Variants in MAF observed in about 807,000 individuals in gnomAD.
The protein encoded by MAF is transcription factor Maf.
MAF carries 10 observed loss-of-function variants against 22.0 expected under a neutral mutation model. That is an observed-to-expected ratio of 0.45 (90% CI 0.28 to 0.77). The LOEUF (loss-of-function observed/expected upper bound fraction) is 0.77. Ranked by LOEUF, MAF falls within the 30% of genes least tolerant of loss-of-function variation. The probability of loss-of-function intolerance (pLI) is 0.12; values close to 1 mark genes in which losing one functional copy is unlikely to be tolerated. For missense variants in MAF, 544 were observed against 548.4 expected (o/e 0.99, Z 0.08); for synonymous variants, 337 against 255.8 (o/e 1.32, Z -3.03).
chr16:79,329,526 C>G, the MAF span, among the ~76,000 whole-genome samples: 2 of 152,138 alleles, frequency 1.3e-5, no homozygotes, highest in East Asian at 1.9e-4. Context: ...AAATCTCCGT[C>G]TAGAGTCCCC....
the MAF span, among the ~76,000 whole-genome samples, chr16:79,537,031 G>A: frequency 6.6e-6 from 1 of 152,176 alleles, no homozygotes; most frequent in Non-Finnish European, 1.5e-5. Flanking sequence ...TCTGTACAGT[G>A]TGTTTGTGTG....
At chr16:79,392,339 GAGAA>G in the MAF span, among the ~76,000 whole-genome samples, 1 of 149,390 alleles carries the variant, frequency 6.7e-6, no homozygotes, top group Non-Finnish European at 1.5e-5. Flanking sequence ...GGAGAGGAGA[GAGAA>G]GGAAGGAGGG....
At chr16:79,447,805 A>G in the MAF span, among the ~76,000 whole-genome samples, 2 of 149,402 alleles carry the variant, frequency 1.3e-5, no homozygotes, top group African/African-American at 4.9e-5. Flanking sequence ...GAGGCAGGAG[A>G]ATCGCTTGAG....
chr16:79,512,598 T>C, the MAF span, among the ~76,000 whole-genome samples: 3,095 of 152,188 alleles, frequency 0.02, 97 homozygotes, highest in African/African-American at 0.066. Context: ...TGCCCGGCAG[T>C]TGGGGAGCTC....
At chr16:79,286,452 A>C in the MAF span, among the ~76,000 whole-genome samples, 1 of 152,212 alleles carries the variant, frequency 6.6e-6, no homozygotes, top group Non-Finnish European at 1.5e-5. Flanking sequence ...TTCACTGCCA[A>C]CTACTTAGTG....
chr16:79,389,623 T>C, the MAF span, among the ~76,000 whole-genome samples: 1 of 152,132 alleles, frequency 6.6e-6, no homozygotes, highest in Non-Finnish European at 1.5e-5. Context: ...CATTTTTCTT[T>C]TTTAAGTTTG....
At chr16:79,297,007 G>A in the MAF span, among the ~76,000 whole-genome samples, 5 of 152,138 alleles carry the variant, frequency 3.3e-5, no homozygotes, top group Admixed American at 1.3e-4. Context: ...CATTTTGCAC[G>A]GTGTCTTTGC....
At chr16:79,417,056 G>T in the MAF span, among the ~76,000 whole-genome samples, 1 of 152,064 alleles carries the variant, frequency 6.6e-6, no homozygotes, top group Non-Finnish European at 1.5e-5. Flanking sequence ...GCTATGAGCC[G>T]AACTCACAGA....
At chr16:79,259,320 TCACCAGC>T in the MAF span, among the ~76,000 whole-genome samples, 1 of 152,092 alleles carries the variant, frequency 6.6e-6, no homozygotes, top group African/African-American at 2.4e-5. Context: ...TCCTCCCCAC[TCACCAGC>T]CACCAGCCAC....
At chr16:79,484,642 G>C in the MAF span, among the ~76,000 whole-genome samples, 1 of 152,196 alleles carries the variant, frequency 6.6e-6, no homozygotes, top group African/African-American at 2.4e-5. Flanking sequence ...GTCAGGTGGA[G>C]TTATGATACC....
At chr16:79,379,878 A>T in the MAF span, among the ~76,000 whole-genome samples, 1 of 152,184 alleles carries the variant, frequency 6.6e-6, no homozygotes, top group Non-Finnish European at 1.5e-5. Context: ...GACTCAGTGA[A>T]TGAGAAGAAG....
the MAF span, among the ~76,000 whole-genome samples, chr16:79,284,197 G>T: frequency 1.3e-5 from 2 of 152,114 alleles, no homozygotes; most frequent in Non-Finnish European, 2.9e-5. Flanking sequence ...ACAAGCTATG[G>T]CAAACCACCT....
At chr16:79,234,632 T>C in the MAF span, among the ~76,000 whole-genome samples, 1 of 152,084 alleles carries the variant, frequency 6.6e-6, no homozygotes, top group Non-Finnish European at 1.5e-5. Context: ...TGTCTCAGCC[T>C]GGAAATGCAA....
At chr16:79,493,172 T>G in the MAF span, among the ~76,000 whole-genome samples, 2 of 150,802 alleles carry the variant, frequency 1.3e-5, no homozygotes, top group Non-Finnish European at 2.9e-5. Context: ...TGTTTTGTTT[T>G]TTGTTTGTTT....
At chr16:79,329,543 T>TA in the MAF span, among the ~76,000 whole-genome samples, 13 of 151,832 alleles carry the variant, frequency 8.6e-5, no homozygotes, top group South Asian at 4.2e-4. Context: ...CCCCCAAAAT[T>TA]AAAAAAACTG....
the MAF span, among the ~76,000 whole-genome samples, chr16:79,282,588 CG>C: frequency 3.3e-5 from 5 of 152,102 alleles, no homozygotes; most frequent in Non-Finnish European, 5.9e-5. Context: ...CCAAAGGCTA[CG>C]GTAACAGAAT....
chr16:79,212,914 G>GAAAA, the MAF span: 4 of 151,312 alleles, frequency 2.6e-5, no homozygotes, highest in Non-Finnish European at 5.9e-5. Context: ...GTTAAAGAAA[G>GAAAA]AAAAAAGAAA....
chr16:79,270,952 G>T, the MAF span, among the ~76,000 whole-genome samples: 1 of 151,340 alleles, frequency 6.6e-6, no homozygotes, highest in Non-Finnish European at 1.5e-5. Context: ...CCAGGATAGA[G>T]TGCACTGGTG....
the MAF span, among the ~76,000 whole-genome samples, chr16:79,369,309 C>T: frequency 9.8e-3 from 1,487 of 152,260 alleles, 31 homozygotes; most frequent in African/African-American, 0.034. Context: ...GGATCCCTGT[C>T]CGCAAGGAAC....
Sources: gnomAD v4.1 joint callset for allele counts (sites outside exome capture counted in the v4.1 genomes callset) on GRCh38, gnomAD v4.1.1 for gene constraint, MANE v1.5 for transcripts, NCBI Gene and HGNC (gene_info 2026-07-23, HGNC 2026-07-21) for gene names.